FSIP2: variants seen among roughly 807,000 people sequenced by gnomAD.
The protein encoded by FSIP2 is fibrous sheath-interacting protein 2.
FSIP2 carries 367 observed loss-of-function variants against 510.5 expected under a neutral mutation model. The ratio of observed to expected loss-of-function variants is 0.72; its 90% CI spans 0.66 to 0.78. FSIP2 has a LOEUF of 0.78. FSIP2 is among the 30% of genes least tolerant of loss of function. The probability of loss-of-function intolerance (pLI) is 0.00; values close to 1 mark genes in which losing one functional copy is unlikely to be tolerated. For missense variants in FSIP2, 7,594 were observed against 7,901.7 expected (o/e 0.96, Z 1.48); for synonymous variants, 2,601 against 2,732.2 (o/e 0.95, Z 1.50).
chr2:185,749,137 T>C (rs1692093086), intron 7 of FSIP2, among the ~76,000 whole-genome samples: 1 of 152,024 alleles, frequency 6.6e-6, no homozygotes, highest in East Asian at 1.9e-4. Flanking sequence ...AAGCCCTTTG[T>C]ATTTCCATAT....
At chr2:185,743,373 G>A (rs536649290) in intron 3 of FSIP2, 79 bp downstream of exon 3, 36 of 863,220 alleles carry the variant, frequency 4.2e-5, no homozygotes, top group Non-Finnish European at 5.7e-5. Flanking sequence ...TACCTCACTC[G>A]GGGGGCCTGT....
At chr2:185,746,875 ATT>A in intron 6 of FSIP2, 65 bp downstream of exon 6, 1 of 1,164,750 alleles carries the variant, frequency 8.6e-7, no homozygotes, top group Middle Eastern at 2.0e-4. Context: ...TTTGTAAATA[ATT>A]TTAACTGTAC....
At position 185,794,913 on chromosome 2, in the gene FSIP2, A is replaced by G. The variant is rs985141063; in HGVS notation, c.7777A>G (p.Ile2593Val). 5.2e-6 allele frequency: 8 copies of G among 1,534,380 alleles called. No homozygotes were observed. Among genetic ancestry groups the G allele is most frequent in the Non-Finnish European group, 7.0e-6 (8 of 1,145,728 alleles). Residue 2593 changes from isoleucine to valine, a missense_variant, in exon 16 of 23, where the codon ATA (isoleucine) becomes GTA (valine). By Grantham distance (29) the Ile-to-Val change is conservative (BLOSUM62 3). Coordinates refer to ENST00000424728, the MANE Select transcript of FSIP2 (RefSeq NM_173651.4). Reference sequence around the variant, plus strand: ...TAGAGAAACTAAACAAGCAGGAAAAATAAGTAATTCCCCTAGATATGCGAT... The same window carrying G: ...TAGAGAAACTAAACAAGCAGGAAAAGTAAGTAATTCCCCTAGATATGCGAT... The part of the protein sequence containing the change: ...RFRETKQAGK[I>V]SNSPRYAISQ...
chr2:185,786,545 C>T (rs1574178023), intron 15 of FSIP2, among the ~76,000 whole-genome samples: 2 of 151,812 alleles, frequency 1.3e-5, no homozygotes, highest in African/African-American at 4.8e-5. Flanking sequence ...GAGATATTAA[C>T]GGATCTATAA....
Position 185,796,348 on chromosome 2 carries a change from T to A in FSIP2, c.9212T>A (p.Val3071Asp). The change falls in exon 16 of 23, where the codon GTT (valine) becomes GAT (aspartate). Residue 3071 changes from valine (V) to aspartate (D), a missense_variant. Val to Asp is a radical substitution (Grantham distance 152, BLOSUM62 -3). Transcript: ENST00000424728. ...KENIQNILLR[V>D]HSFHSQLLTY... Reference sequence around the variant, plus strand: ...AACATACAGAATATCCTTCTACGGGTTCATTCATTCCATTCACAATTACTT... The same window carrying A: ...AACATACAGAATATCCTTCTACGGGATCATTCATTCCATTCACAATTACTT... 1 of 1,533,868 alleles carries A rather than the reference T, an allele frequency of 6.5e-7. No homozygotes were observed. Among genetic ancestry groups the A allele is most frequent in the Non-Finnish European group, 8.7e-7 (1 of 1,145,280 alleles).
In FSIP2 at chr2:185,801,379, GT is replaced by G; in HGVS notation, c.12075del (p.Leu4026TyrfsTer35). On this transcript the variant is annotated frameshift_variant, in exon 17 of 23. Transcript: ENST00000424728. LOFTEE classifies it high-confidence loss of function. ...VNEFNNAQVTVLRNAEERLCF... is the reference protein window; with the variant it reads ...VNEFNNAQVTXLRNAEERLCF... ...TGAATTTAATAATGCTCAAGTCACT[GT>G]TCTACGGAATGCTGAAGAAAGGCTG... 1 of 1,534,138 alleles carries G rather than the reference GT, an allele frequency of 6.5e-7. No homozygotes were observed. The highest frequency in any genetic ancestry group is 8.7e-7 in the Non-Finnish European group (1 of 1,145,614).
At chr2:185,737,325 G>A (rs1691803024), upstream of FSIP2, among the ~76,000 whole-genome samples, 1 of 152,188 alleles carries the variant, frequency 6.6e-6, no homozygotes, top group Non-Finnish European at 1.5e-5. Flanking sequence ...CACACTTTGC[G>A]CTGAGGGCAG....
rs1028484911 is a variant in FSIP2, at chr2:185,756,275, C to G, written c.1075C>G (p.His359Asp). ...AGACCAGAATACATATAAAGAAACACATGGTAATTGAATATTGTGACAAGA... is the reference window on the plus strand; with the variant it reads ...AGACCAGAATACATATAAAGAAACAGATGGTAATTGAATATTGTGACAAGA... ...AGDQNTYKET[H>D]GHTANAAHQR... The change falls in exon 9 of 23, where the codon CAT (histidine) becomes GAT (aspartate). Residue 359 changes from histidine (H) to aspartate (D), a missense_variant. Transcript: ENST00000424728. 25 of 1,168,046 alleles carry G rather than the reference C, an allele frequency of 2.1e-5. No individual in the cohort carries two copies. The highest frequency in any genetic ancestry group is 2.8e-5 in the Non-Finnish European group (24 of 849,608). 72.4% of individuals were successfully genotyped at this position (1,168,046 alleles called of 1,614,324 possible).
At chr2:185,745,807 C>A (rs1163235982) in intron 5 of FSIP2, among the ~76,000 whole-genome samples, 2 of 152,032 alleles carry the variant, frequency 1.3e-5, no homozygotes, top group Non-Finnish European at 2.9e-5. Flanking sequence ...GATTCAAAAT[C>A]TTTCTATATT....
Position 185,806,935 on chromosome 2 carries a change from G to A in FSIP2, c.17629G>A (p.Glu5877Lys), listed in dbSNP as rs2105652944. The change falls in exon 17 of 23, where the codon GAA becomes AAA. Residue 5877 changes from glutamate (E) to lysine (K), a missense_variant. Transcript: ENST00000424728. ...AAGGTATAAAGAGCCAACTACAGAT[G>A]AAGCACCATCCAGCATTAAGATAAA... is the stretch of plus-strand genomic sequence containing the variant. ...PPRYKEPTTD[E>K]APSSIKIKSA... 1.2e-6 allele frequency: 2 copies of A among 1,611,558 alleles called. No homozygotes were observed. Among genetic ancestry groups the A allele is most frequent in the East Asian group, 2.2e-5 (1 of 44,786 alleles).
intron 19 of FSIP2, among the ~76,000 whole-genome samples, chr2:185,816,584 T>A (rs1421825072): frequency 1.3e-5 from 2 of 151,848 alleles, no homozygotes; most frequent in Non-Finnish European, 2.9e-5. Flanking sequence ...ACGTCTGTAA[T>A]CCCACCACTT....
chr2:185,813,210 A>C (rs1283349462), intron 17 of FSIP2, among the ~76,000 whole-genome samples: 1 of 151,986 alleles, frequency 6.6e-6, no homozygotes, highest in Non-Finnish European at 1.5e-5. Flanking sequence ...ATTTTGGAAA[A>C]TAGGTTATCC....
chr2:185,747,814 C>T (rs1038232908), intron 7 of FSIP2, among the ~76,000 whole-genome samples: 2 of 151,738 alleles, frequency 1.3e-5, no homozygotes, highest in Non-Finnish European at 2.9e-5. Context: ...GAGTGTAAAT[C>T]AATAAAAAGA....
intron 8 of FSIP2, 150 bp from the exon 9 acceptor site, chr2:185,756,042 C>T: frequency 2.9e-6 from 1 of 348,038 alleles, no homozygotes. Context: ...CATTTCACAT[C>T]ACTGTATCTT....
chr2:185,760,958 CTA>C, intron 9 of FSIP2, 28 bp from the exon 10 acceptor site: 1 of 735,484 alleles, frequency 1.4e-6, no homozygotes, highest in Non-Finnish European at 2.0e-6. Flanking sequence ...AAAAAAAAAA[CTA>C]TAGAGTTTCT....
intron 13 of FSIP2, among the ~76,000 whole-genome samples, chr2:185,772,877 C>CT (rs1009489554): frequency 8.0e-6 from 1 of 124,442 alleles, no homozygotes; most frequent in African/African-American, 3.0e-5. Flanking sequence ...TTTTCTTTTT[C>CT]TTTTTTCAGA....
Position 185,804,255 on chromosome 2 carries a change from G to A in FSIP2, c.14949G>A (p.Arg4983=). 2.0e-6 allele frequency: 3 copies of A among 1,529,072 alleles called. No individual in the cohort carries two copies. Among genetic ancestry groups the A allele is most frequent in the Non-Finnish European group, 2.6e-6 (3 of 1,143,394 alleles). The allele number at this position is 1,529,072 out of a possible 1,614,324, so 94.7% of individuals were successfully genotyped here. Residue 4983 remains arginine, a synonymous_variant, in exon 17 of 23, where the codon AGG becomes AGA. Coordinates refer to ENST00000424728, the MANE Select transcript of FSIP2 (RefSeq NM_173651.4). ...NPDRVKLKLT[R]IVTTLVNSIV... is the part of the protein sequence containing the mutation. ...ATAGAGTGAAACTGAAACTTACCAGGATTGTTACAACATTGGTAAATTCAA... is the reference window on the plus strand; with the variant it reads ...ATAGAGTGAAACTGAAACTTACCAGAATTGTTACAACATTGGTAAATTCAA...
At chr2:185,744,528 A>G (rs376116700) in intron 4 of FSIP2, 117 bp downstream of exon 4, 10 of 258,948 alleles carry the variant, frequency 3.9e-5, no homozygotes, top group Middle Eastern at 9.2e-4. Context: ...AAGTAATTGA[A>G]TATTTTTTCC....
At position 185,789,809 on chromosome 2, in the gene FSIP2, A is replaced by G. The variant is rs1326590874; in HGVS notation, c.2673A>G (p.Leu891=). 44 of 1,533,240 alleles carry G rather than the reference A, an allele frequency of 2.9e-5. No individual in the cohort carries two copies. Among genetic ancestry groups the G allele is most frequent in the Non-Finnish European group, 3.8e-5 (44 of 1,144,932 alleles). 95.0% of individuals were successfully genotyped at this position (1,533,240 alleles called of 1,614,324 possible). A position where few individuals can be genotyped will look rare whatever the true frequency, so the allele number is the denominator to read the frequency against. ...TTGTCAATGAAGAAGTACAAAATTT[A>G]ATATCAAATATTTTTTCCCAGTCTT... ...SLIVNEEVQN[L]ISNIFSQSSL... is the part of the protein sequence containing the mutation. Residue 891 remains leucine, a synonymous_variant, in exon 16 of 23, where the codon TTA becomes TTG. Coordinates refer to ENST00000424728, the MANE Select transcript of FSIP2 (RefSeq NM_173651.4).
Sources: allele counts gnomAD v4.1 joint callset (sites outside exome capture counted in the v4.1 genomes callset), GRCh38; gene constraint gnomAD v4.1.1; transcripts MANE v1.5; gene names NCBI Gene and HGNC (gene_info 2026-07-23, HGNC 2026-07-21).